Variants in SLC25A46 observed in about 807,000 individuals in gnomAD.
The protein encoded by SLC25A46 is mitochondrial outer membrane protein SLC25A46.
A neutral mutation model predicts 44.6 loss-of-function variants in SLC25A46; 39 were observed. The observed-to-expected ratio is 0.87, with a 90% CI of 0.68 to 1.14. The LOEUF is 1.14. Ranked by LOEUF, SLC25A46 falls within the 50% of genes most tolerant of loss-of-function variation. The probability of loss-of-function intolerance (pLI) is 0.00; values close to 1 mark genes in which losing one functional copy is unlikely to be tolerated. For missense variants in SLC25A46, 547 were observed against 522.7 expected (o/e 1.05, Z -0.45); for synonymous variants, 202 against 185.8 (o/e 1.09, Z -0.71).
intron 5 of SLC25A46, among the ~76,000 whole-genome samples, chr5:110,748,773 C>T (rs1178373538): frequency 1.3e-5 from 2 of 151,964 alleles, no homozygotes; most frequent in Non-Finnish European, 2.9e-5. Context: ...CGGGGTTGGA[C>T]AGTCTAGGTA....
chr5:110,745,348 G>GGTTCACGCCATTCTCCTGC (rs1799789282), intron 3 of SLC25A46, among the ~76,000 whole-genome samples: 1 of 152,036 alleles, frequency 6.6e-6, no homozygotes, highest in Non-Finnish European at 1.5e-5. Flanking sequence ...CCGCCTCCTG[G>GGTTCACGCCATTCTCCTGC]GTTCACGCCA....
chr5:110,754,315 T>TA (rs911802841), intron 5 of SLC25A46: 8 of 150,870 alleles, frequency 5.3e-5, no homozygotes, highest in Non-Finnish European at 7.4e-5. Context: ...CTTTCTGTTT[T>TA]TTTTTTCTCT....
At chr5:110,746,065 A>T in intron 3 of SLC25A46, 1 of 502,700 alleles carries the variant, frequency 2.0e-6, no homozygotes, top group South Asian at 2.3e-5. Context: ...ATTGGTCTTC[A>T]GATTGTATTT....
intron 3 of SLC25A46, among the ~76,000 whole-genome samples, chr5:110,745,043 T>A (rs1799781898): frequency 6.6e-6 from 1 of 152,220 alleles, no homozygotes; most frequent in South Asian, 2.1e-4. Flanking sequence ...AAATACAGTT[T>A]GATGGTGCTG....
At position 110,739,183 on chromosome 5, in the gene SLC25A46, C is replaced by A; in HGVS notation, c.64C>A (p.Gln22Lys). The change falls in exon 1 of 8, where the codon CAG becomes AAG. Residue 22 changes from glutamine to lysine, a missense_variant. Physicochemically the swap from Gln to Lys is moderately conservative, Grantham distance 53. Coordinates refer to ENST00000355943, the MANE Select transcript of SLC25A46 (RefSeq NM_138773.4). ...CTACCGGGGTGGTGCCCGGGACGAG[C>A]AGGGCTTTGGCGGCGCCTTCCCTGC... Reference protein sequence around the residue: ...LGYRGGARDEQGFGGAFPARS... With the variant: ...LGYRGGARDEKGFGGAFPARS... The A allele has an allele frequency of 1.3e-6, 2 of 1,552,722 alleles. No individual in the cohort carries two copies. Among genetic ancestry groups the A allele is most frequent in the Non-Finnish European group, 1.7e-6 (2 of 1,148,174 alleles).
intron 2 of SLC25A46, among the ~76,000 whole-genome samples, chr5:110,742,841 C>T (rs1312324830): frequency 6.6e-6 from 1 of 151,908 alleles, no homozygotes; most frequent in Non-Finnish European, 1.5e-5. Context: ...TTAAGAAAAT[C>T]CTTTAGTCTT....
rs746681765 is a variant in SLC25A46, at chr5:110,761,543, C to T, written c.1018C>T (p.Arg340Cys). 9.9e-6 allele frequency: 16 copies of T among 1,613,790 alleles called. No homozygotes were observed. The highest frequency in any genetic ancestry group is 1.3e-5 in the Non-Finnish European group (15 of 1,179,804). Residue 340 changes from arginine to cysteine, a missense_variant, in exon 8 of 8, where the codon CGC becomes TGC. Arg to Cys is a radical substitution (Grantham distance 180, BLOSUM62 -3). Coordinates refer to ENST00000355943, the MANE Select transcript of SLC25A46 (RefSeq NM_138773.4). The surrounding 1 kb of genome is among the most constrained non-coding windows in gnomAD (Gnocchi z 5.3). ...ILYPLETVLH[R>C]LHIQGTRTII... ...TTACCCATTGGAAACAGTTTTGCAC[C>T]GCCTTCACATTCAAGGAACACGCAC...
intron 4 of SLC25A46, among the ~76,000 whole-genome samples, chr5:110,747,656 A>G (rs931767753): frequency 6.6e-6 from 1 of 152,262 alleles, no homozygotes; most frequent in Admixed American, 6.5e-5. Flanking sequence ...AAGTATGGAG[A>G]AGAGCATGGA....
rs374899270 is a variant in SLC25A46, at chr5:110,761,460, C to CTTA, written c.938_940dup (p.Tyr313dup). 1.4e-3 allele frequency: 2,234 copies of CTTA among 1,613,694 alleles called. 3 individuals are homozygous for CTTA. Among genetic ancestry groups the CTTA allele is most frequent in the Non-Finnish European group, 1.8e-3 (2,065 of 1,179,790 alleles). On this transcript the variant is annotated inframe_insertion, in exon 8 of 8. Transcript: ENST00000355943. The surrounding 1 kb of genome is among the most constrained non-coding windows in gnomAD (Gnocchi z 5.3). ...AGCCCTGTGCAGAGTATGTTGGATG[C>CTTA]TTATTTTCCAGAACTTATTGCTAAC... is the stretch of plus-strand genomic sequence containing the variant.
chr5:110,744,212 A>C (rs908941445), intron 3 of SLC25A46, among the ~76,000 whole-genome samples: 1 of 152,300 alleles, frequency 6.6e-6, no homozygotes, highest in East Asian at 1.9e-4. Context: ...GAAGCAAGGA[A>C]GTTTAGTCTT....
At chr5:110,741,965 A>G in intron 1 of SLC25A46, 82 bp from the exon 2 acceptor site, 1 of 969,738 alleles carries the variant, frequency 1.0e-6, no homozygotes, top group Admixed American at 2.6e-5. Context: ...ATTTTTTAAA[A>G]TTGTTTTGAG....
rs1450509292 is a variant in SLC25A46, at chr5:110,755,464, G to A, written c.564-1G>A. ...TATTTAAGTTTATTTTTATGTTTTA[G>A]GGAGGTTTTACATAAATGGAGTCCT... On this transcript the variant is annotated splice_acceptor_variant, in intron 5 of 7. Coordinates refer to ENST00000355943, the MANE Select transcript of SLC25A46 (RefSeq NM_138773.4). LOFTEE classifies it high-confidence loss of function. 1.9e-6 allele frequency: 3 copies of A among 1,543,156 alleles called. No homozygotes were observed. The highest frequency in any genetic ancestry group is 1.9e-5 in the Admixed American group (1 of 52,550).
intron 5 of SLC25A46, among the ~76,000 whole-genome samples, chr5:110,749,342 A>T (rs971610353): frequency 3.3e-5 from 5 of 152,114 alleles, no homozygotes; most frequent in African/African-American, 1.2e-4. Context: ...AAAAAAAAAA[A>T]ATAGAAAATT....
At position 110,763,436 on chromosome 5, in the gene SLC25A46, C is replaced by G. The variant is rs960155104; in HGVS notation, c.*1654C>G. 6.6e-6 allele frequency: 1 copy of G among 151,474 alleles called. No individual in the cohort carries two copies. 9.4% of individuals were successfully genotyped at this position (151,474 alleles called of 1,614,324 possible). A position where few individuals can be genotyped will look rare whatever the true frequency, so the allele number is the denominator to read the frequency against. On this transcript the variant is annotated 3_prime_UTR_variant, in exon 8 of 8. Transcript: ENST00000355943. ...TACATTTTCCATTTTTAAATTCCAC[C>G]AAAAGGGGGAAAATAAAATTAAACA...
chr5:110,754,972 T>C (rs907489918), intron 5 of SLC25A46: 1 of 152,466 alleles, frequency 6.6e-6, no homozygotes, highest in Admixed American at 6.6e-5. Flanking sequence ...ACAAAGATAA[T>C]AGAATATAAT....
chr5:110,758,904 G>A (rs1482527218), intron 7 of SLC25A46, among the ~76,000 whole-genome samples: 1 of 151,978 alleles, frequency 6.6e-6, no homozygotes, highest in South Asian at 2.1e-4. Context: ...TACTGATTAA[G>A]GATTCATATT....
At position 110,748,387 on chromosome 5, in the gene SLC25A46, G is replaced by A. The variant is rs930528062; in HGVS notation, c.563+124G>A. ...TGATGCTAAAGTTTGGACTTCTAAT[G>A]ATCCTCTCATCCAACAATTCTCAAT... On this transcript the variant is annotated intron_variant, in intron 5 of 7. Transcript: ENST00000355943. 7.2e-6 allele frequency: 5 copies of A among 691,774 alleles called. No individual in the cohort carries two copies. In the Admixed American group the frequency reaches 8.9e-5, roughly 12 times the overall value. The allele number at this position is 691,774 out of a possible 1,614,324, so 42.9% of individuals were successfully genotyped here.
rs369936836 is a variant in SLC25A46, at chr5:110,739,162, C to T, written c.43C>T (p.Arg15Trp). The T allele has an allele frequency of 9.7e-6, 15 of 1,549,964 alleles. No homozygotes were observed. In the Admixed American group the frequency reaches 1.2e-4, roughly 12 times the overall value. The change falls in exon 1 of 8, where the codon CGG (arginine) becomes TGG (tryptophan). Residue 15 changes from arginine to tryptophan, a missense_variant. By Grantham distance (101) the Arg-to-Trp change is moderately radical (BLOSUM62 -3). Coordinates refer to ENST00000355943, the MANE Select transcript of SLC25A46 (RefSeq NM_138773.4). ...RPDGFDGLGY[R>W]GGARDEQGFG... ...GGACGGATTTGATGGCTTGGGCTAC[C>T]GGGGTGGTGCCCGGGACGAGCAGGG... is the stretch of plus-strand genomic sequence containing the variant.
At chr5:110,738,218 C>G, upstream of SLC25A46, 1 of 1,286,848 alleles carries the variant, frequency 7.8e-7, no homozygotes. Flanking sequence ...GGGAGCCTGG[C>G]CCAAGAGCCC....
Sources: allele counts gnomAD v4.1 joint callset (sites outside exome capture counted in the v4.1 genomes callset), GRCh38; gene constraint gnomAD v4.1.1; non-coding constraint Gnocchi (gnomAD v3.1); transcripts MANE v1.5; gene names NCBI Gene and HGNC (gene_info 2026-07-23, HGNC 2026-07-21).